Variants in AP3B2 observed in about 807,000 individuals in gnomAD.
AP3B2 encodes AP-3 complex subunit beta-2.
A neutral mutation model predicts 126.9 loss-of-function variants in AP3B2; 50 were observed. The observed-to-expected ratio is 0.39, with a 90% CI of 0.31 to 0.50. The LOEUF is 0.50. Ranked by LOEUF, AP3B2 falls within the 20% of genes least tolerant of loss-of-function variation. AP3B2 has a pLI of 0.79. For synonymous variants in AP3B2, 541 were observed against 565.0 expected (o/e 0.96, Z 0.60); for missense variants, 1,177 against 1,426.4 (o/e 0.83, Z 2.82).
intron 1 of AP3B2, among the ~76,000 whole-genome samples, chr15:82,697,199 T>TG (rs2048642393): frequency 6.6e-6 from 1 of 152,018 alleles, no homozygotes; most frequent in Admixed American, 6.6e-5. Flanking sequence ...CCGGGTGTGG[T>TG]GGCGGGCGTC....
rs572499385 is a variant in AP3B2 at position 82,666,981 on chromosome 15, CAGG to C, written c.1666-51_1666-49del. On this transcript the variant is annotated intron_variant, in intron 14 of 26. Transcript: ENST00000535359. The stretch of plus-strand genomic sequence containing the variant: ...GTCAGCTGACGGGGGGATGGGGACA[CAGG>C]AGGCTCAGAAACAGATTCTTTAAGC... The C allele has an allele frequency of 3.7e-4, 574 of 1,559,304 alleles. 3 individuals are homozygous for C. In the African/African-American group the frequency reaches 7.0e-3, roughly 19 times the overall value.
At chr15:82,693,047 T>C (rs929355464) in intron 1 of AP3B2, among the ~76,000 whole-genome samples, 3 of 151,912 alleles carry the variant, frequency 2.0e-5, no homozygotes, top group Non-Finnish European at 4.4e-5. Context: ...ACTCACCCTA[T>C]TGGACTTCAA....
At position 82,676,527 on chromosome 15, in the gene AP3B2, C is replaced by T; in HGVS notation, c.1599G>A (p.Glu533=). Residue 533 remains glutamate, a synonymous_variant, in exon 14 of 27, where the codon GAG becomes GAA. Coordinates refer to ENST00000535359, the MANE Select transcript of AP3B2 (RefSeq NM_001278512.2). The part of the protein sequence containing the change: ...LRKMAKSFTA[E]EDIVKLQVIN... Reference sequence around the variant, plus strand: ...TGACCTGCAGCTTGACAATATCCTCCTCTGCTGTGAATGACTTGGCCATTT... The same window carrying T: ...TGACCTGCAGCTTGACAATATCCTCTTCTGCTGTGAATGACTTGGCCATTT... The T allele has an allele frequency of 6.2e-7, 1 of 1,614,048 alleles. No individual in the cohort carries two copies. Among genetic ancestry groups the T allele is most frequent in the Non-Finnish European group, 8.5e-7 (1 of 1,179,906 alleles).
In AP3B2 at chr15:82,680,266, CGGTT is replaced by C. The variant is rs751251413; in HGVS notation, c.1056-41_1056-38del. 2 of 1,612,792 alleles carry C rather than the reference CGGTT, an allele frequency of 1.2e-6. No individual in the cohort carries two copies. Among genetic ancestry groups the C allele is most frequent in the South Asian group, 2.2e-5 (2 of 91,020 alleles). On this transcript the variant is annotated intron_variant, in intron 8 of 26. Transcript: ENST00000535359. This position sits in a 1 kb window ranked among gnomAD's most constrained non-coding sequence, Gnocchi z 6.1. The stretch of plus-strand genomic sequence containing the variant: ...ACGGGTCAGAGCACCCCGGGCCCCT[CGGTT>C]GGGGCAAGGGTCAGCGGATGAGGGG...
intron 1 of AP3B2, among the ~76,000 whole-genome samples, chr15:82,695,079 CT>C (rs796497937): frequency 1.2e-4 from 17 of 137,102 alleles, no homozygotes; most frequent in Admixed American, 4.8e-4. Context: ...ATGGTTGGAA[CT>C]TTTTTTCTTT....
rs144115850 is a variant in AP3B2 at position 82,664,851 on chromosome 15, C to T, written c.2121G>A (p.Thr707=). Residue 707 remains threonine, a synonymous_variant, in exon 18 of 27, where the codon ACG becomes ACA. Transcript: ENST00000535359. The surrounding 1 kb of genome is among the most constrained non-coding windows in gnomAD (Gnocchi z 4.5). ...TCTGCTCACCACTGTCTGCGGACTCCGTGGGGCCTGACTCCCCCTCAGAGT... is the reference window on the plus strand; with the variant it reads ...TCTGCTCACCACTGTCTGCGGACTCTGTGGGGCCTGACTCCCCCTCAGAGT... ...YSDSEGESGP[T]ESADSDPESE... is the part of the protein sequence containing the mutation. 168 of 1,595,812 alleles carry T rather than the reference C, an allele frequency of 1.1e-4. No individual in the cohort carries two copies. The highest frequency in any genetic ancestry group is 1.4e-4 in the Non-Finnish European group (159 of 1,170,888).
chr15:82,665,192 G>A lies in AP3B2; in HGVS notation c.2028+55C>T. On this transcript the variant is annotated intron_variant, in intron 17 of 26. Coordinates refer to ENST00000535359, the MANE Select transcript of AP3B2 (RefSeq NM_001278512.2). The surrounding 1 kb of genome is among the most constrained non-coding windows in gnomAD (Gnocchi z 4.4). Reference sequence around the variant, plus strand: ...CCCAGGAGCACAACACACAGGGGAAGAAGAGGGACACAGACAGGGCAGGGG... The same window carrying A: ...CCCAGGAGCACAACACACAGGGGAAAAAGAGGGACACAGACAGGGCAGGGG... 6.6e-7 allele frequency: 1 copy of A among 1,513,300 alleles called. No homozygotes were observed. The highest frequency in any genetic ancestry group is 1.2e-5 in the South Asian group (1 of 83,446). The allele number at this position is 1,513,300 out of a possible 1,614,324, so 93.7% of individuals were successfully genotyped here.
In AP3B2 at chr15:82,665,209, G is replaced by T; in HGVS notation, c.2028+38C>A. On this transcript the variant is annotated intron_variant, in intron 17 of 26. Transcript: ENST00000535359. This position sits in a 1 kb window ranked among gnomAD's most constrained non-coding sequence, Gnocchi z 4.4. ...CAGGGGAAGAAGAGGGACACAGACA[G>T]GGCAGGGGAGAGAGCACACGTCACA... 1 of 1,529,356 alleles carries T rather than the reference G, an allele frequency of 6.5e-7. No individual in the cohort carries two copies. 94.7% of individuals were successfully genotyped at this position (1,529,356 alleles called of 1,614,324 possible). A position where few individuals can be genotyped will look rare whatever the true frequency, so the allele number is the denominator to read the frequency against.
At chr15:82,674,908 T>G (rs1482346942) in intron 14 of AP3B2, among the ~76,000 whole-genome samples, 3 of 151,884 alleles carry the variant, frequency 2.0e-5, no homozygotes, top group African/African-American at 4.8e-5. Context: ...GGAAATGACA[T>G]GTGGACAGGC....
chr15:82,662,821 G>A lies in AP3B2; in HGVS notation c.2706C>T (p.Ser902=), dbSNP rs372220720. 1.1e-5 allele frequency: 18 copies of A among 1,613,626 alleles called. No individual in the cohort carries two copies. The highest frequency in any genetic ancestry group is 6.7e-5 in the African/African-American group (5 of 74,914). Residue 902 remains serine, a synonymous_variant, in exon 23 of 27, where the codon TCC becomes TCT. Coordinates refer to ENST00000535359, the MANE Select transcript of AP3B2 (RefSeq NM_001278512.2). ...VDYTFSRQPF[S]GDPHMVSVHI... Reference sequence around the variant, plus strand: ...GCACGGACACCATGTGGGGATCCCCGGAGAAAGGTTGGCGGCTGAAGGTGT... The same window carrying A: ...GCACGGACACCATGTGGGGATCCCCAGAGAAAGGTTGGCGGCTGAAGGTGT...
At chr15:82,692,349 A>G (rs915142197) in intron 1 of AP3B2, 13 of 543,634 alleles carry the variant, frequency 2.4e-5, no homozygotes, top group African/African-American at 3.9e-5. Flanking sequence ...TCATCCGCCC[A>G]GCCCAACATC....
At chr15:82,698,879 A>G (rs906173366) in intron 1 of AP3B2, among the ~76,000 whole-genome samples, 1 of 152,132 alleles carries the variant, frequency 6.6e-6, no homozygotes. Flanking sequence ...GGGCAGGACC[A>G]CTGGGCCTAA....
intron 4 of AP3B2, chr15:82,685,179 C>G (rs1010848482): frequency 6.6e-6 from 1 of 152,150 alleles, no homozygotes; most frequent in African/African-American, 2.4e-5. Context: ...CACTGATCAC[C>G]ATAACATATA....
Position 82,699,468 on chromosome 15 carries a change from A to T in AP3B2, c.114-10015T>A, listed in dbSNP as rs562853734. On this transcript the variant is annotated intron_variant, in intron 1 of 26. Transcript: ENST00000535359. ...CTCCTCACTCATACCCTCAGCCCCC[A>T]TACGGTGCCCCTGACCACCTTCTCC... 7.9e-5 allele frequency among the ~76,000 whole-genome samples: 12 copies of T among 152,166 alleles called. No individual in the cohort carries two copies. In the South Asian group the frequency reaches 2.5e-3, roughly 32 times the overall value.
At chr15:82,700,086 T>C (rs960296719) in intron 1 of AP3B2, among the ~76,000 whole-genome samples, 8 of 152,116 alleles carry the variant, frequency 5.3e-5, no homozygotes, top group Non-Finnish European at 1.0e-4. Flanking sequence ...GGCAAGGGAC[T>C]AGATGGTCAG....
chr15:82,691,873 A>G, intron 1 of AP3B2: 1 of 1,279,564 alleles, frequency 7.8e-7, no homozygotes. Flanking sequence ...CACTATCATG[A>G]GAGTGGAATT....
chr15:82,690,642 C>CTTTTTT lies in AP3B2; in HGVS notation c.114-1195_114-1190dup, dbSNP rs147811093. Among the ~76,000 whole-genome samples, 156 of 68,928 alleles carry CTTTTTT rather than the reference C, an allele frequency of 2.3e-3. 4 individuals are homozygous for CTTTTTT. The highest frequency in any genetic ancestry group is 6.1e-3 in the African/African-American group (92 of 15,118). 45.2% of individuals were successfully genotyped at this position (68,928 alleles called of 152,430 possible). On this transcript the variant is annotated intron_variant, in intron 1 of 26. Coordinates refer to ENST00000535359, the MANE Select transcript of AP3B2 (RefSeq NM_001278512.2). ...TGTATATGTGCCACATTTTCTTCTT[C>CTTTTTT]TTTTTTTTTTTTTTTTTTTTTTTTT...
intron 1 of AP3B2, chr15:82,697,888 C>T (rs2048654282): frequency 6.6e-6 from 1 of 152,340 alleles, no homozygotes; most frequent in African/African-American, 2.4e-5. Flanking sequence ...TGTTGAGTTT[C>T]TTAGTGGGTA....
intron 1 of AP3B2, among the ~76,000 whole-genome samples, chr15:82,707,103 G>A (rs1171707564): frequency 6.6e-6 from 1 of 151,364 alleles, no homozygotes; most frequent in Non-Finnish European, 1.5e-5. Flanking sequence ...TGGCCTTCCC[G>A]CCTCTATATA....
Sources: gnomAD v4.1 joint callset for allele counts (sites outside exome capture counted in the v4.1 genomes callset) on GRCh38, gnomAD v4.1.1 for gene constraint, Gnocchi (gnomAD v3.1) non-coding constraint, MANE v1.5 for transcripts, NCBI Gene and HGNC (gene_info 2026-07-23, HGNC 2026-07-21) for gene names.